The following NFX1 variants were observed in gnomAD, a reference collection of about 807,000 sequenced individuals.
NFX1 encodes the protein nuclear transcription factor, X-box binding 1, also known as transcriptional repressor NF-X1.
NFX1 carries 69 observed loss-of-function variants against 137.2 expected under a neutral mutation model. That is an observed-to-expected ratio of 0.50 (90% CI 0.41 to 0.61). The LOEUF (loss-of-function observed/expected upper bound fraction) is 0.61, where lower values mean the gene tolerates loss of function less well. Among genes scored for constraint, NFX1 ranks in the 20% least tolerant of loss-of-function variants. The pLI, the probability that NFX1 is intolerant of heterozygous loss-of-function variation, is 0.00. For missense variants in NFX1, 1,167 were observed against 1,391.0 expected (o/e 0.84, Z 2.56); for synonymous variants, 495 against 474.1 (o/e 1.04, Z -0.57).
At chr9:33,368,865 G>A (rs989400525) in intron 23 of NFX1, among the ~76,000 whole-genome samples, 1 of 152,066 alleles carries the variant, frequency 6.6e-6, no homozygotes, top group Non-Finnish European at 1.5e-5. Context: ...AGCCAAGAGC[G>A]TCCTGGTCCC....
chr9:33,342,275 C>G (rs1375460479), intron 12 of NFX1, among the ~76,000 whole-genome samples: 6 of 152,082 alleles, frequency 3.9e-5, no homozygotes, highest in South Asian at 2.1e-4. Context: ...TCCTGGCTAA[C>G]ACGGTGAAAC....
chr9:33,342,221 G>A (rs1044283793), intron 12 of NFX1, among the ~76,000 whole-genome samples: 20 of 151,428 alleles, frequency 1.3e-4, no homozygotes, highest in Admixed American at 5.9e-4. Context: ...CAGCACTTTG[G>A]GAGGCCAAGG....
At chr9:33,361,110 G>A (rs764428056) in intron 19 of NFX1, among the ~76,000 whole-genome samples, 7 of 152,250 alleles carry the variant, frequency 4.6e-5, no homozygotes, top group Non-Finnish European at 8.8e-5. Flanking sequence ...TTTTTGCACA[G>A]AGATATTAAT....
intron 5 of NFX1, among the ~76,000 whole-genome samples, chr9:33,308,422 A>G (rs1475682674): frequency 7.9e-5 from 12 of 152,226 alleles, no homozygotes; most frequent in Admixed American, 7.2e-4. Flanking sequence ...AGCCTGGGCA[A>G]CAAAGCAAGA....
At chr9:33,294,307 C>T (rs1365433557) in intron 1 of NFX1, 113 bp from the exon 2 acceptor site, 3 of 955,432 alleles carry the variant, frequency 3.1e-6, no homozygotes, top group Non-Finnish European at 4.7e-6. Context: ...TACTTAACAG[C>T]ATGTTTTATA....
At chr9:33,350,856 A>T (rs1823609859) in intron 15 of NFX1, among the ~76,000 whole-genome samples, 1 of 152,220 alleles carries the variant, frequency 6.6e-6, no homozygotes, top group South Asian at 2.1e-4. Context: ...TCCTTATTTT[A>T]AAAACTGAGC....
chr9:33,302,272 C>T (rs1821595833), intron 3 of NFX1, among the ~76,000 whole-genome samples: 1 of 151,252 alleles, frequency 6.6e-6, no homozygotes, highest in South Asian at 2.1e-4. Context: ...CATTTCTACT[C>T]TTCTAGTTAT....
At chr9:33,342,438 G>A (rs1317388001) in intron 12 of NFX1, among the ~76,000 whole-genome samples, 9 of 152,130 alleles carry the variant, frequency 5.9e-5, no homozygotes, top group Non-Finnish European at 2.9e-5. Context: ...CTCCAGCCTG[G>A]GCGACAGAGC....
At chr9:33,353,378 G>T (rs765123405) in intron 17 of NFX1, among the ~76,000 whole-genome samples, 1 of 152,144 alleles carries the variant, frequency 6.6e-6, no homozygotes, top group African/African-American at 2.4e-5. Context: ...CTGTGTAGCC[G>T]TACAGGGATC....
Position 33,294,435 on chromosome 9 carries a change from A to G in NFX1, c.41A>G (p.Asn14Ser), listed in dbSNP as rs1009534745. 10 of 1,578,790 alleles carry G rather than the reference A, an allele frequency of 6.3e-6. No individual in the cohort carries two copies. Among genetic ancestry groups the G allele is most frequent in the South Asian group, 1.2e-5 (1 of 85,676 alleles). Residue 14 changes from asparagine to serine, a missense_variant, in exon 2 of 24, where the codon AAT becomes AGT. Physicochemically the swap from Asn to Ser is conservative, Grantham distance 46. Coordinates refer to ENST00000379540, the MANE Select transcript of NFX1 (RefSeq NM_002504.6). The part of the protein sequence containing the change: ...APPVSGTFKF[N>S]TDAAEFIPQE... ...TATGTCCTAGGTACTTTTAAATTCA[A>G]TACAGATGCTGCTGAATTCATTCCT...
chr9:33,334,479 A>T (rs1268014961), intron 11 of NFX1, among the ~76,000 whole-genome samples: 2 of 152,162 alleles, frequency 1.3e-5, no homozygotes, highest in African/African-American at 4.8e-5. Flanking sequence ...AAAATAATAA[A>T]AACATAATTT....
At chr9:33,308,836 G>A (rs145204863) in intron 5 of NFX1, among the ~76,000 whole-genome samples, 1 of 152,186 alleles carries the variant, frequency 6.6e-6, no homozygotes, top group Non-Finnish European at 1.5e-5. Flanking sequence ...TCTACTGCTT[G>A]GAGGAGGGAT....
chr9:33,366,873 C>T, intron 22 of NFX1, 99 bp downstream of exon 22: 12 of 1,384,410 alleles, frequency 8.7e-6, no homozygotes, highest in Non-Finnish European at 1.2e-5. Context: ...CTACCACTCT[C>T]CCTCTTGGAA....
chr9:33,326,591 G>A (rs936639882), intron 9 of NFX1, among the ~76,000 whole-genome samples: 5 of 151,904 alleles, frequency 3.3e-5, no homozygotes, highest in Non-Finnish European at 5.9e-5. Context: ...ATGGTGGTAT[G>A]TGCCTGTAGT....
chr9:33,360,937 A>G (rs1431309768), intron 19 of NFX1, among the ~76,000 whole-genome samples: 1 of 152,242 alleles, frequency 6.6e-6, no homozygotes, highest in Non-Finnish European at 1.5e-5. Context: ...GCTGAAATCT[A>G]GCTTTAAAAA....
chr9:33,294,540 G>A lies in NFX1; in HGVS notation c.146G>A (p.Ser49Asn). 1 of 1,614,178 alleles carries A rather than the reference G, an allele frequency of 6.2e-7. No homozygotes were observed. ...AATAGGATTGGTAGAAGAAATTACA[G>A]TTCACCACCTCCCTGTCACCTTTCC... Reference protein sequence around the residue: ...DSNRIGRRNYSSPPPCHLSRQ... With the variant: ...DSNRIGRRNYNSPPPCHLSRQ... Residue 49 changes from serine (S) to asparagine (N), a missense_variant, in exon 2 of 24, where the codon AGT becomes AAT. Ser to Asn is a conservative substitution (Grantham distance 46, BLOSUM62 1). This residue lies in a region of NFX1 where 367 missense variants were observed against 386.7 expected (regional missense o/e 0.95). Coordinates refer to ENST00000379540, the MANE Select transcript of NFX1 (RefSeq NM_002504.6).
chr9:33,327,745 C>G (rs1822649576), intron 9 of NFX1, among the ~76,000 whole-genome samples: 1 of 152,150 alleles, frequency 6.6e-6, no homozygotes, highest in Non-Finnish European at 1.5e-5. Flanking sequence ...AAACAGTAGC[C>G]ATAAGAGACC....
chr9:33,296,408 G>A (rs141515778), intron 2 of NFX1, among the ~76,000 whole-genome samples: 108 of 152,164 alleles, frequency 7.1e-4, no homozygotes, highest in African/African-American at 2.4e-3. Context: ...CACTCAGTTC[G>A]CTGACGAAGT....
rs537640175 is a variant in NFX1 at position 33,341,526 on chromosome 9, G to GTATA, written c.2116-1217_2116-1214dup. On this transcript the variant is annotated intron_variant, in intron 12 of 23. Transcript: ENST00000379540. Reference sequence around the variant, plus strand: ...AGCAAGGTAGTACGTGTGTATGTATGTATATAGCATACATAATTATTTTTT... The same window carrying GTATA: ...AGCAAGGTAGTACGTGTGTATGTATGTATATATATAGCATACATAATTATTTTTT... 4.1e-4 allele frequency among the ~76,000 whole-genome samples: 62 copies of GTATA among 152,280 alleles called. 1 individual carries two copies. The highest frequency in any genetic ancestry group is 1.4e-3 in the African/African-American group (60 of 41,564).
Sources: gnomAD v4.1 joint callset for allele counts (sites outside exome capture counted in the v4.1 genomes callset) on GRCh38, gnomAD v4.1.1 for gene constraint, gnomAD v4.1.1 regional missense constraint, MANE v1.5 for transcripts, NCBI Gene and HGNC (gene_info 2026-07-23, HGNC 2026-07-21) for gene names.